The following TTC21B variants were observed in gnomAD, a reference collection of about 807,000 sequenced individuals.
TTC21B encodes tetratricopeptide repeat domain 21B, also known as tetratricopeptide repeat protein 21B.
A neutral mutation model predicts 175.1 loss-of-function variants in TTC21B; 127 were observed. That is an observed-to-expected ratio of 0.73 (90% CI 0.63 to 0.84). TTC21B has a LOEUF of 0.84. Ranked by LOEUF, TTC21B falls within the 40% of genes least tolerant of loss-of-function variation. TTC21B has a pLI of 0.00. For missense variants in TTC21B, 1,561 were observed against 1,558.3 expected (o/e 1.00, Z -0.03); for synonymous variants, 524 against 524.5 (o/e 1.00, Z 0.01).
chr2:165,879,727 A>G (rs1290638808), intron 27 of TTC21B: 1 of 152,214 alleles, frequency 6.6e-6, no homozygotes, highest in Non-Finnish European at 1.5e-5. Context: ...TTACATGGCC[A>G]TGGCATCTAC....
chr2:165,935,138 G>C (rs1687081653), intron 6 of TTC21B, among the ~76,000 whole-genome samples: 1 of 152,172 alleles, frequency 6.6e-6, no homozygotes, highest in Admixed American at 6.5e-5. Flanking sequence ...AAAGCGTCTA[G>C]GTCCGTTAAA....
intron 12 of TTC21B, among the ~76,000 whole-genome samples, chr2:165,921,781 G>A (rs943356646): frequency 4.7e-5 from 7 of 147,988 alleles, no homozygotes; most frequent in Non-Finnish European, 1.0e-4. Context: ...AGTTAAGGCT[G>A]CTCTTCCTTT....
Position 165,929,266 on chromosome 2 carries a change from A to G in TTC21B, c.1255T>C (p.Leu419=). The G allele has an allele frequency of 6.2e-7, 1 of 1,612,904 alleles. No individual in the cohort carries two copies. The highest frequency in any genetic ancestry group is 8.5e-7 in the Non-Finnish European group (1 of 1,179,290). Residue 419 remains leucine (L), a synonymous_variant, in exon 11 of 29, where the codon TTA becomes CTA. Transcript: ENST00000243344. ...NKRQEEVINL[L]NDVLDTHFSQ... ...AAGTGAGTGTCCAGGACATCATTTA[A>G]CAAATTAATAACTTCTTCTTGTCGT...
At chr2:165,911,023 T>C (rs978511593) in intron 18 of TTC21B, among the ~76,000 whole-genome samples, 2 of 152,126 alleles carry the variant, frequency 1.3e-5, no homozygotes, top group African/African-American at 4.8e-5. Context: ...TGCTACTTTT[T>C]AAAAAAGATT....
chr2:165,898,096 T>C (rs1464025706), intron 22 of TTC21B, among the ~76,000 whole-genome samples: 1 of 152,086 alleles, frequency 6.6e-6, no homozygotes, highest in Non-Finnish European at 1.5e-5. Context: ...TGGGAGGGGA[T>C]GAGAGTTAAG....
chr2:165,901,684 G>C (rs749808786), intron 20 of TTC21B, 38 bp downstream of exon 20: 2 of 1,568,842 alleles, frequency 1.3e-6, no homozygotes, highest in Non-Finnish European at 1.8e-6. Context: ...GAAGACATCT[G>C]GAATAAAAGG....
Position 165,917,182 on chromosome 2 carries a change from T to G in TTC21B, c.1899+75A>C. 2.8e-6 allele frequency: 4 copies of G among 1,430,482 alleles called. No individual in the cohort carries two copies. In the Admixed American group the frequency reaches 6.8e-5, roughly 24 times the overall value. The allele number at this position is 1,430,482 out of a possible 1,614,324, so 88.6% of individuals were successfully genotyped here. A position where few individuals can be genotyped will look rare whatever the true frequency, so the allele number is the denominator to read the frequency against. ...GTGTGAGCCACCATGCCTGGGCAGCTTTTCATTTTCTACTAATATATATGT... is the reference window on the plus strand; with the variant it reads ...GTGTGAGCCACCATGCCTGGGCAGCGTTTCATTTTCTACTAATATATATGT... On this transcript the variant is annotated intron_variant, in intron 14 of 28. Coordinates refer to ENST00000243344, the MANE Select transcript of TTC21B (RefSeq NM_024753.5).
chr2:165,927,987 T>C (rs1358859569), intron 11 of TTC21B, among the ~76,000 whole-genome samples: 1 of 152,186 alleles, frequency 6.6e-6, no homozygotes, highest in African/African-American at 2.4e-5. Context: ...ATAATAAAGT[T>C]AGGATGTCTG....
At chr2:165,896,682 A>C (rs1370600117) in intron 22 of TTC21B, among the ~76,000 whole-genome samples, 1 of 152,174 alleles carries the variant, frequency 6.6e-6, no homozygotes, top group Non-Finnish European at 1.5e-5. Context: ...CTGTGGGAGC[A>C]GCATATTCCG....
At chr2:165,882,983 C>T (rs1424028940) in intron 26 of TTC21B, among the ~76,000 whole-genome samples, 1 of 152,062 alleles carries the variant, frequency 6.6e-6, no homozygotes, top group Non-Finnish European at 1.5e-5. Context: ...ATGCTTGGAT[C>T]TTTCAGGTTC....
intron 13 of TTC21B, among the ~76,000 whole-genome samples, chr2:165,918,325 C>T (rs950617913): frequency 1.3e-5 from 2 of 152,090 alleles, no homozygotes; most frequent in African/African-American, 4.8e-5. Context: ...GATGGAGTCT[C>T]GCTCTGTTGC....
intron 24 of TTC21B, among the ~76,000 whole-genome samples, chr2:165,889,668 A>C (rs1423156859): frequency 6.6e-6 from 1 of 151,946 alleles, no homozygotes; most frequent in Admixed American, 6.6e-5. Flanking sequence ...CTGTTGTTGA[A>C]ATCTCTTGGC....
rs1475783541 is a variant in TTC21B at position 165,880,818 on chromosome 2, C to T, written c.3685-19G>A. On this transcript the variant is annotated intron_variant, in intron 26 of 28. Coordinates refer to ENST00000243344, the MANE Select transcript of TTC21B (RefSeq NM_024753.5). ...AGCAAGACTGAAGAAAAATGGGAGA[C>T]ATCAATAGATTAAACTTGATATCAC... 68 of 1,609,650 alleles carry T rather than the reference C, an allele frequency of 4.2e-5. No homozygotes were observed. Among genetic ancestry groups the T allele is most frequent in the Non-Finnish European group, 5.4e-5 (64 of 1,178,296 alleles).
At chr2:165,945,829 T>C in intron 3 of TTC21B, 139 bp from the exon 4 acceptor site, 1 of 753,416 alleles carries the variant, frequency 1.3e-6, no homozygotes, top group Non-Finnish European at 2.1e-6. Flanking sequence ...AAGCCATATA[T>C]GTAACTTAAA....
chr2:165,909,585 G>A (rs969890178), intron 18 of TTC21B, among the ~76,000 whole-genome samples: 3 of 152,028 alleles, frequency 2.0e-5, no homozygotes, highest in Non-Finnish European at 2.9e-5. Context: ...TCAAAGAAAT[G>A]TAAATTAAAA....
Position 165,873,756 on chromosome 2 carries a change from A to G in TTC21B, c.*999T>C, listed in dbSNP as rs1684579993. On this transcript the variant is annotated 3_prime_UTR_variant, in exon 29 of 29. Coordinates refer to ENST00000243344, the MANE Select transcript of TTC21B (RefSeq NM_024753.5). Reference sequence around the variant, plus strand: ...TTTCTTAAGACCACAATGGCCTTGAAAGCAGGAAGAATGAGCTCAAGAAAG... The same window carrying G: ...TTTCTTAAGACCACAATGGCCTTGAGAGCAGGAAGAATGAGCTCAAGAAAG... 6.6e-6 allele frequency: 1 copy of G among 152,144 alleles called. No individual in the cohort carries two copies. The highest frequency in any genetic ancestry group is 1.9e-4 in the East Asian group (1 of 5,184). The allele number at this position is 152,144 out of a possible 1,614,324, so 9.4% of individuals were successfully genotyped here.
intron 15 of TTC21B, among the ~76,000 whole-genome samples, chr2:165,914,455 G>A (rs1397453623): frequency 6.6e-6 from 1 of 152,118 alleles, no homozygotes; most frequent in East Asian, 1.9e-4. Flanking sequence ...AACATGCGGT[G>A]CTGCTCAGTT....
rs778812789 is a variant in TTC21B, at chr2:165,953,692, T to G, written c.14A>C (p.Glu5Ala). The change falls in exon 1 of 29, where the codon GAA becomes GCA. Residue 5 changes from glutamate to alanine, a missense_variant. Transcript: ENST00000243344. ...ACCCGCTCACCCGCTCACCTTCAATTCCTGCGAGTCCATGGCTGCCCCGAG... is the reference window on the plus strand; with the variant it reads ...ACCCGCTCACCCGCTCACCTTCAATGCCTGCGAGTCCATGGCTGCCCCGAG... MDSQELKTLINYYCQ... is the reference protein window; with the variant it reads MDSQALKTLINYYCQ... 1.1e-4 allele frequency: 102 copies of G among 925,488 alleles called. No homozygotes were observed. Among genetic ancestry groups the G allele is most frequent in the South Asian group, 3.8e-4 (21 of 54,806 alleles). 57.3% of individuals were successfully genotyped at this position (925,488 alleles called of 1,614,324 possible). A position where few individuals can be genotyped will look rare whatever the true frequency, so the allele number is the denominator to read the frequency against.
chr2:165,934,964 C>T (rs543341667), intron 6 of TTC21B, among the ~76,000 whole-genome samples: 5 of 152,190 alleles, frequency 3.3e-5, no homozygotes, highest in Non-Finnish European at 7.3e-5. Flanking sequence ...CTAGCCAACA[C>T]TTCCTAGATA....
Sources: gnomAD v4.1 joint callset for allele counts (sites outside exome capture counted in the v4.1 genomes callset) on GRCh38, gnomAD v4.1.1 for gene constraint, MANE v1.5 for transcripts, NCBI Gene and HGNC (gene_info 2026-07-23, HGNC 2026-07-21) for gene names.